MECR: variants seen among roughly 807,000 people sequenced by gnomAD.
The protein encoded by MECR is mitochondrial trans-2-enoyl-CoA reductase.
In MECR, 37 loss-of-function variants were observed where a neutral mutation model predicts 49.1. That is an observed-to-expected ratio of 0.75 (90% CI 0.58 to 0.99). The LOEUF (loss-of-function observed/expected upper bound fraction) is 0.99, where lower values mean the gene tolerates loss of function less well. Among genes scored for constraint, MECR ranks in the 50% least tolerant of loss-of-function variants. The pLI, the probability that MECR is intolerant of heterozygous loss-of-function variation, is 0.00. For missense variants in MECR, 470 were observed against 479.6 expected, an observed-to-expected ratio of 0.98 and a Z score of 0.19; for synonymous variants, 198 against 191.1, an observed-to-expected ratio of 1.04 and a Z score of -0.30.
chr1:29,186,354 A>C, the MECR span, among the ~76,000 whole-genome samples: 2 of 152,206 alleles, frequency 1.3e-5, no homozygotes, highest in Non-Finnish European at 2.9e-5. Context: ...CTTCTTATTC[A>C]GGCCTGAGGC....
chr1:29,215,621 A>G (rs1679195303), intron 3 of MECR, among the ~76,000 whole-genome samples: 1 of 151,896 alleles, frequency 6.6e-6, no homozygotes, highest in African/African-American at 2.4e-5. Context: ...CTGCAGTCCC[A>G]GCATTTTGGG....
the MECR span, among the ~76,000 whole-genome samples, chr1:29,175,397 T>C: frequency 1.4e-5 from 2 of 143,300 alleles, no homozygotes; most frequent in African/African-American, 2.6e-5. Flanking sequence ...AGAGACTCCA[T>C]CTCAAAAAAA....
intron 9 of MECR, among the ~76,000 whole-genome samples, chr1:29,195,100 A>G (rs565345501): frequency 3.6e-4 from 55 of 152,254 alleles, no homozygotes; most frequent in African/African-American, 1.3e-3. Context: ...AGGGCAACAG[A>G]GCGATACCTT....
the MECR span, chr1:29,168,877 G>T: frequency 6.6e-6 from 1 of 152,172 alleles, no homozygotes; most frequent in South Asian, 2.1e-4. Flanking sequence ...AAATATAAGC[G>T]TGAATGGTAG....
intron 1 of MECR, among the ~76,000 whole-genome samples, chr1:29,227,529 A>C (rs1682397376): frequency 6.6e-6 from 1 of 152,218 alleles, no homozygotes; most frequent in South Asian, 2.1e-4. Context: ...ACAGGAATGA[A>C]AACAGGGACG....
intron 7 of MECR, 149 bp from the exon 8 acceptor site, chr1:29,196,407 C>A: frequency 1.3e-6 from 1 of 758,918 alleles, no homozygotes; most frequent in Non-Finnish European, 2.1e-6. Context: ...CAGATTCCAG[C>A]TGGGAGCAGT....
intron 1 of MECR, among the ~76,000 whole-genome samples, chr1:29,222,170 T>C (rs1680924477): frequency 6.6e-6 from 1 of 152,220 alleles, no homozygotes; most frequent in South Asian, 2.1e-4. Flanking sequence ...CTTGGCTCAC[T>C]GCAAGCTCCG....
chr1:29,204,123 G>A (rs1327582539), intron 4 of MECR, among the ~76,000 whole-genome samples: 1 of 152,132 alleles, frequency 6.6e-6, no homozygotes, highest in African/African-American at 2.4e-5. Context: ...GGAGGCTGAG[G>A]CAGGAGAATC....
In MECR at chr1:29,206,818, C is replaced by G. The variant is rs747966453; in HGVS notation, c.494G>C (p.Gly165Ala). 1 of 1,614,052 alleles carries G rather than the reference C, an allele frequency of 6.2e-7. No homozygotes were observed. Among genetic ancestry groups the G allele is most frequent in the Non-Finnish European group, 8.5e-7 (1 of 1,180,038 alleles). The change falls in exon 4 of 10, where the codon GGT becomes GCT. Residue 165 changes from glycine to alanine, a missense_variant. Transcript: ENST00000263702. The part of the protein sequence containing the change: ...DIPLQSAATL[G>A]VNPCTAYRML... ...CCTGTAGGCTGTGCAGGGATTGACA[C>G]CCAGGGTGGCAGCGCTCTGAAGAGG...
chr1:29,202,705 T>A (rs1210988061), intron 5 of MECR, among the ~76,000 whole-genome samples: 1 of 152,154 alleles, frequency 6.6e-6, no homozygotes, highest in Non-Finnish European at 1.5e-5. Context: ...CCTGTCTCCT[T>A]CACGTCTGTA....
chr1:29,210,570 C>T (rs956087676), intron 3 of MECR, among the ~76,000 whole-genome samples: 7 of 152,060 alleles, frequency 4.6e-5, no homozygotes, highest in Non-Finnish European at 7.4e-5. Flanking sequence ...CCTTATGGCA[C>T]GACAATGGAA....
At chr1:29,205,803 C>T (rs540140335) in intron 4 of MECR, among the ~76,000 whole-genome samples, 13 of 152,154 alleles carry the variant, frequency 8.5e-5, no homozygotes, top group Admixed American at 7.8e-4. Context: ...CAAGCCGGGG[C>T]GACAGAGCAC....
Position 29,195,963 on chromosome 1 carries a change from C to G in MECR, c.942G>C (p.Gln314His), listed in dbSNP as rs1673865247. Residue 314 changes from glutamine (Q) to histidine (H), a missense_variant, in exon 9 of 10, where the codon CAG (glutamine) becomes CAC (histidine). Coordinates refer to ENST00000263702, the MANE Select transcript of MECR (RefSeq NM_016011.5). ...DLKLRGFWLSQWKKDHSPDQF... is the reference protein window; with the variant it reads ...DLKLRGFWLSHWKKDHSPDQF... ...CACCTGGACTGTGATCCTTCTTCCA[C>G]TGGGACAACCAAAAGCCTCGAAGTT... is the stretch of plus-strand genomic sequence containing the variant. The G allele has an allele frequency of 5.0e-6, 8 of 1,614,236 alleles. No homozygotes were observed. Among genetic ancestry groups the G allele is most frequent in the Middle Eastern group, 1.6e-4 (1 of 6,062 alleles).
At chr1:29,188,221 ACT>A (rs1265363122), downstream of MECR, among the ~76,000 whole-genome samples, 6 of 149,968 alleles carry the variant, frequency 4.0e-5, no homozygotes, top group African/African-American at 1.5e-4. Flanking sequence ...ATGGAGTCTC[ACT>A]CTGTTGCCCA....
the MECR span, among the ~76,000 whole-genome samples, chr1:29,177,110 CTT>C: frequency 6.6e-6 from 1 of 152,116 alleles, no homozygotes; most frequent in Non-Finnish European, 1.5e-5. Flanking sequence ...ACTCAAAATT[CTT>C]TCACACTTTA....
In MECR at chr1:29,206,912, C is replaced by T. The variant is rs1302564785; in HGVS notation, c.407-7G>A. ...GCCTCGGTCCGCCAGGTTCCTGAGT[C>T]AGAAGATGAAGCCAGGATCATAAGG... On this transcript the variant is annotated splice_polypyrimidine_tract_variant and splice_region_variant and intron_variant, in intron 3 of 9. Coordinates refer to ENST00000263702, the MANE Select transcript of MECR (RefSeq NM_016011.5). The T allele has an allele frequency of 6.2e-7, 1 of 1,613,782 alleles. No individual in the cohort carries two copies. The highest frequency in any genetic ancestry group is 1.3e-5 in the African/African-American group (1 of 74,874).
At chr1:29,178,063 C>A in the MECR span, among the ~76,000 whole-genome samples, 1 of 151,760 alleles carries the variant, frequency 6.6e-6, no homozygotes, top group Non-Finnish European at 1.5e-5. Flanking sequence ...CCACACCCAG[C>A]TAATCTTTGT....
In MECR at chr1:29,201,681, TGCG is replaced by T. The variant is rs1050868592; in HGVS notation, c.756+259_756+261del. 6.6e-6 allele frequency among the ~76,000 whole-genome samples: 1 copy of T among 152,228 alleles called. No individual in the cohort carries two copies. The highest frequency in any genetic ancestry group is 1.5e-5 in the Non-Finnish European group (1 of 68,046). ...TCTAAGAGTCACACATGTGGGCTGA[TGCG>T]GCCCACCACAAACGTTTAAACTGCA... On this transcript the variant is annotated intron_variant, in intron 6 of 9. Coordinates refer to ENST00000263702, the MANE Select transcript of MECR (RefSeq NM_016011.5). This position sits in a 1 kb window ranked among gnomAD's most constrained non-coding sequence, Gnocchi z 4.3.
chr1:29,174,303 T>C, the MECR span, among the ~76,000 whole-genome samples: 125,513 of 152,222 alleles, frequency 0.82, 52,323 homozygotes, highest in Middle Eastern at 0.89. Flanking sequence ...AGCATTAAAA[T>C]GTGTATATGC....
Sources: gnomAD v4.1 joint callset for allele counts (sites outside exome capture counted in the v4.1 genomes callset) on GRCh38, gnomAD v4.1.1 for gene constraint, Gnocchi (gnomAD v3.1) non-coding constraint, MANE v1.5 for transcripts, NCBI Gene and HGNC (gene_info 2026-07-23, HGNC 2026-07-21) for gene names.